Variants in ZBTB16 observed in about 807,000 individuals in gnomAD.
The protein encoded by ZBTB16 is zinc finger and BTB domain containing 16.
In ZBTB16, 8 loss-of-function variants were observed where a neutral mutation model predicts 56.8. The observed-to-expected ratio is 0.14, with a 90% CI of 0.08 to 0.25. ZBTB16 has a LOEUF of 0.25. ZBTB16 is among the 10% of genes least tolerant of loss of function. ZBTB16 has a pLI of 1.00. For synonymous variants in ZBTB16, 363 were observed against 368.5 expected (o/e 0.98, Z 0.17); for missense variants, 625 against 903.0 (o/e 0.69, Z 3.95).
At chr11:114,133,886 C>G (rs1338077779) in intron 2 of ZBTB16, among the ~76,000 whole-genome samples, 1 of 152,218 alleles carries the variant, frequency 6.6e-6, no homozygotes, top group African/African-American at 2.4e-5. Flanking sequence ...TCTCAGGCAG[C>G]TATCCCTCAT....
chr11:114,075,238 AG>A, intron 2 of ZBTB16, among the ~76,000 whole-genome samples: 1 of 152,224 alleles, frequency 6.6e-6, no homozygotes, highest in African/African-American at 2.4e-5. Flanking sequence ...TCTGTCTCTT[AG>A]AGGCTGTGTG....
intron 2 of ZBTB16, among the ~76,000 whole-genome samples, chr11:114,141,433 CTTG>C (rs1941942386): frequency 6.6e-6 from 1 of 152,212 alleles, no homozygotes; most frequent in Non-Finnish European, 1.5e-5. Context: ...CCATCTCTGT[CTTG>C]TTGTCCACTA....
rs397734160 is a variant in ZBTB16, at chr11:114,107,915, CT to C, written c.1268+43359del. Among the ~76,000 whole-genome samples, 756 of 143,148 alleles carry C rather than the reference CT, an allele frequency of 5.3e-3. 10 individuals are homozygous for C. Among genetic ancestry groups the C allele is most frequent in the East Asian group, 0.05 (246 of 4,954 alleles). The allele number at this position is 143,148 out of a possible 152,430, so 93.9% of individuals were successfully genotyped here. ...CAGAAAATACAGTGGAAATTTGGGA[CT>C]TTTTTTTTTTTAAAGCCTGTGTTCC... On this transcript the variant is annotated intron_variant, in intron 2 of 6. Transcript: ENST00000335953.
Position 114,250,869 on chromosome 11 carries a change from T to TA in ZBTB16, c.*315dup, listed in dbSNP as rs1409398035. ...TCCTTCCTTCACCCAGACCTTCTTT[T>TA]ATGTGTCCAGAAATGGAGGCTAGAA... On this transcript the variant is annotated 3_prime_UTR_variant, in exon 7 of 7. Transcript: ENST00000335953. This position sits in a 1 kb window ranked among gnomAD's most constrained non-coding sequence, Gnocchi z 6.0. 2.0e-5 allele frequency among the ~76,000 whole-genome samples: 3 copies of TA among 152,084 alleles called. No individual in the cohort carries two copies. Among genetic ancestry groups the TA allele is most frequent in the African/African-American group, 7.2e-5 (3 of 41,390 alleles).
At chr11:114,139,626 C>CGTGTGTGT (rs750514241) in intron 2 of ZBTB16, among the ~76,000 whole-genome samples, 21,230 of 138,406 alleles carry the variant, frequency 0.15, 1,700 homozygotes, top group East Asian at 0.18. Flanking sequence ...CCGCGGTCCA[C>CGTGTGTGT]GTGTGTGTGT....
At chr11:114,075,910 T>G (rs1410154382) in intron 2 of ZBTB16, among the ~76,000 whole-genome samples, 2 of 152,150 alleles carry the variant, frequency 1.3e-5, no homozygotes, top group African/African-American at 2.4e-5. Flanking sequence ...GTTTCTCCCA[T>G]GAGTAATGTT....
chr11:114,190,654 G>A lies in ZBTB16; in HGVS notation c.1453+3616G>A, dbSNP rs149641794. On this transcript the variant is annotated intron_variant, in intron 4 of 6. Coordinates refer to ENST00000335953, the MANE Select transcript of ZBTB16 (RefSeq NM_006006.6). ...ATTAGGTCTCTGAAAAGCGGCATGG[G>A]TGTGTACATGTATATAAATGAGCTC... Among the ~76,000 whole-genome samples the A allele has an allele frequency of 3.2e-4, 49 of 152,090 alleles. 1 individual carries two copies. The East Asian group carries it at 9.1e-3, about 28-fold the overall frequency.
chr11:114,250,227 GGAGGAACCCAGCTTCCCT>G lies in ZBTB16; in HGVS notation c.1793-97_1793-80del. The G allele has an allele frequency of 7.2e-7, 1 of 1,384,476 alleles. No homozygotes were observed. The highest frequency in any genetic ancestry group is 1.0e-6 in the Non-Finnish European group (1 of 986,710). 85.8% of individuals were successfully genotyped at this position (1,384,476 alleles called of 1,614,324 possible). ...AAGTTCTGTTGGAGCAAGCCCAGCTGGAGGAACCCAGCTTCCCTGGCACGCCTGAGGGTGACATGGTGC... is the reference window on the plus strand; with the variant it reads ...AAGTTCTGTTGGAGCAAGCCCAGCTGGGCACGCCTGAGGGTGACATGGTGC... On this transcript the variant is annotated intron_variant, in intron 6 of 6. Coordinates refer to ENST00000335953, the MANE Select transcript of ZBTB16 (RefSeq NM_006006.6). The surrounding 1 kb of genome is among the most constrained non-coding windows in gnomAD (Gnocchi z 6.0).
At chr11:114,101,412 C>T (rs1165451608) in intron 2 of ZBTB16, among the ~76,000 whole-genome samples, 2 of 152,132 alleles carry the variant, frequency 1.3e-5, no homozygotes, top group African/African-American at 4.8e-5. Context: ...CATTTTCTAG[C>T]GTTGAGGTCC....
At chr11:114,197,639 T>C (rs1943639496) in intron 4 of ZBTB16, among the ~76,000 whole-genome samples, 1 of 151,542 alleles carries the variant, frequency 6.6e-6, no homozygotes, top group African/African-American at 2.4e-5. Flanking sequence ...AAGTCCTTGT[T>C]TGGAGAATTT....
chr11:114,221,022 T>A (rs924260986), intron 4 of ZBTB16, among the ~76,000 whole-genome samples: 1 of 152,198 alleles, frequency 6.6e-6, no homozygotes, highest in Admixed American at 6.5e-5. Context: ...ATCACGGTGA[T>A]CCGTGGTGGT....
chr11:114,114,028 A>G (rs1322904997), intron 2 of ZBTB16, among the ~76,000 whole-genome samples: 1 of 152,246 alleles, frequency 6.6e-6, no homozygotes, highest in Non-Finnish European at 1.5e-5. Context: ...GGTAGGGATA[A>G]AAACTCATCC....
intron 2 of ZBTB16, among the ~76,000 whole-genome samples, chr11:114,151,363 G>A (rs1324295816): frequency 6.6e-6 from 1 of 152,178 alleles, no homozygotes; most frequent in African/African-American, 2.4e-5. Flanking sequence ...CAGTTAGGCT[G>A]AAAACAAGGA....
chr11:114,147,735 C>T (rs565182676), intron 2 of ZBTB16, among the ~76,000 whole-genome samples: 2 of 152,264 alleles, frequency 1.3e-5, no homozygotes, highest in Admixed American at 6.5e-5. Flanking sequence ...GATCTCTTCC[C>T]CTCGGATCTT....
intron 4 of ZBTB16, among the ~76,000 whole-genome samples, chr11:114,241,663 C>G (rs56017469): frequency 0.091 from 13,856 of 152,228 alleles, 2,067 homozygotes; most frequent in African/African-American, 0.31. Context: ...AGTACTTAAT[C>G]TCTCTGTGCC....
intron 4 of ZBTB16, among the ~76,000 whole-genome samples, chr11:114,235,676 T>A (rs937146019): frequency 4.2e-4 from 9 of 21,608 alleles, no homozygotes; most frequent in Non-Finnish European, 7.9e-4. Flanking sequence ...CTTTCTTTCT[T>A]TCTTTCTTTC....
intron 1 of ZBTB16, chr11:114,061,628 G>A (rs894846602): frequency 1.3e-5 from 2 of 152,312 alleles, no homozygotes; most frequent in Non-Finnish European, 2.9e-5. Flanking sequence ...TGCATTCACT[G>A]CAATATTGGT....
chr11:114,078,135 A>G (rs957060620), intron 2 of ZBTB16, among the ~76,000 whole-genome samples: 3 of 152,180 alleles, frequency 2.0e-5, no homozygotes, highest in Admixed American at 6.5e-5. Context: ...CAACAGCTGC[A>G]TTTATCATAC....
intron 4 of ZBTB16, among the ~76,000 whole-genome samples, chr11:114,236,643 T>G (rs965231975): frequency 6.6e-6 from 1 of 152,198 alleles, no homozygotes; most frequent in Non-Finnish European, 1.5e-5. Flanking sequence ...GTCTGAACTT[T>G]CCTCATCCCT....
Sources: gnomAD v4.1 joint callset for allele counts (sites outside exome capture counted in the v4.1 genomes callset) on GRCh38, gnomAD v4.1.1 for gene constraint, Gnocchi (gnomAD v3.1) non-coding constraint, MANE v1.5 for transcripts, NCBI Gene and HGNC (gene_info 2026-07-23, HGNC 2026-07-21) for gene names.